Variants in PXDN observed in about 807,000 individuals in gnomAD.
The protein encoded by PXDN is peroxidasin, also known as peroxidasin homolog.
Under a neutral mutation model 140.3 loss-of-function variants are expected in PXDN, and 77 were observed. That is an observed-to-expected ratio of 0.55 (90% CI 0.46 to 0.66). PXDN has a LOEUF of 0.66. PXDN is among the 30% of genes least tolerant of loss of function. The pLI is 0.00. For synonymous variants in PXDN, 911 were observed against 857.4 expected, an observed-to-expected ratio of 1.06 and a Z score of -1.09; for missense variants, 1,838 against 2,039.5, an observed-to-expected ratio of 0.90 and a Z score of 1.90.
At chr2:1,679,276 T>C (rs924125175) in intron 7 of PXDN, among the ~76,000 whole-genome samples, 7 of 148,282 alleles carry the variant, frequency 4.7e-5, no homozygotes, top group African/African-American at 1.8e-4. Context: ...GTGTGGATTG[T>C]ATGTGCATGT....
In PXDN at chr2:1,686,837, C is replaced by T. The variant is rs1684070594; in HGVS notation, c.416+795G>A. Among the ~76,000 whole-genome samples the T allele has an allele frequency of 2.0e-5, 3 of 152,210 alleles. No homozygotes were observed. The South Asian group carries it at 6.2e-4, about 32-fold the overall frequency. ...GACAACATCGCTGTGTCCAGTGAGC[C>T]AGTGACCCGTGACCACGGATCAGCA... On this transcript the variant is annotated intron_variant, in intron 4 of 22. Coordinates refer to ENST00000252804, the MANE Select transcript of PXDN (RefSeq NM_012293.3).
chr2:1,690,648 C>CAAAAAAAAAAAAAAAAAA (rs35970382), intron 3 of PXDN, among the ~76,000 whole-genome samples: 4 of 68,648 alleles, frequency 5.8e-5, no homozygotes, highest in Admixed American at 3.9e-4. Context: ...TTCAAAATAC[C>CAAAAAAAAAAAAAAAAAA]AAAAAAAAAA....
intron 1 of PXDN, among the ~76,000 whole-genome samples, chr2:1,699,391 T>A (rs1684369001): frequency 6.6e-6 from 1 of 152,226 alleles, no homozygotes; most frequent in Non-Finnish European, 1.5e-5. Flanking sequence ...TCAGATGTGT[T>A]TGAATTCATT....
Position 1,660,825 on chromosome 2 carries a change from C to T in PXDN, c.1837+56G>A. On this transcript the variant is annotated intron_variant, in intron 14 of 22. Coordinates refer to ENST00000252804, the MANE Select transcript of PXDN (RefSeq NM_012293.3). This position sits in a 1 kb window ranked among gnomAD's most constrained non-coding sequence, Gnocchi z 4.6. The stretch of plus-strand genomic sequence containing the variant: ...ACTGGCCTGGGACCACACTAGGGAC[C>T]TGCGGGCTTTCTTTGTGGATACCAT... The T allele has an allele frequency of 1.9e-6, 3 of 1,565,992 alleles. No individual in the cohort carries two copies. In the South Asian group the frequency reaches 3.6e-5, roughly 19 times the overall value.
Position 1,744,374 on chromosome 2 carries a change from C to T in PXDN, c.82G>A (p.Val28Met), listed in dbSNP as rs898385296. 7.9e-6 allele frequency: 12 copies of T among 1,526,694 alleles called. No individual in the cohort carries two copies. The highest frequency in any genetic ancestry group is 1.0e-5 in the Non-Finnish European group (12 of 1,143,400). The allele number at this position is 1,526,694 out of a possible 1,614,324, so 94.6% of individuals were successfully genotyped here. A position where few individuals can be genotyped will look rare whatever the true frequency, so the allele number is the denominator to read the frequency against. The change falls in exon 1 of 23, where the codon GTG becomes ATG. Residue 28 changes from valine (V) to methionine (M), a missense_variant. Around this residue, in one of 5 missense-constraint regions of PXDN, gnomAD observed 231 missense variants for 201.5 expected, o/e 1.15. Coordinates refer to ENST00000252804, the MANE Select transcript of PXDN (RefSeq NM_012293.3). ...LFCAWGTLAV[V>M]AQKPGAGCPS... is the part of the protein sequence containing the mutation. ...CACCCTGCGCCCGGCTTCTGGGCCA[C>T]CACGGCCAGCGTCCCCCAGGCGCAG...
rs776352329 is a variant in PXDN at position 1,652,785 on chromosome 2, C to G, written c.2104+843G>C. Reference sequence around the variant, plus strand: ...TATCACCCTACAGGTCTCAATTCCACGTCTCTTTCATTTAACCATTGAAGA... The same window carrying G: ...TATCACCCTACAGGTCTCAATTCCAGGTCTCTTTCATTTAACCATTGAAGA... On this transcript the variant is annotated intron_variant, in intron 16 of 22. Transcript: ENST00000252804. 2.0e-5 allele frequency among the ~76,000 whole-genome samples: 3 copies of G among 152,314 alleles called. No homozygotes were observed. The South Asian group carries it at 6.2e-4, about 32-fold the overall frequency.
chr2:1,734,719 T>G (rs1053324073), intron 1 of PXDN, among the ~76,000 whole-genome samples: 2 of 152,054 alleles, frequency 1.3e-5, no homozygotes, highest in Non-Finnish European at 2.9e-5. Context: ...ATACAAAAAT[T>G]AGCTGGGCAT....
intron 8 of PXDN, among the ~76,000 whole-genome samples, chr2:1,675,494 T>C (rs912727457): frequency 1.3e-5 from 2 of 152,186 alleles, no homozygotes; most frequent in African/African-American, 4.8e-5. Context: ...TTGGGAGCCA[T>C]CCAAGACAAA....
In PXDN at chr2:1,639,387, A is replaced by G; in HGVS notation, c.3988T>C (p.Tyr1330His). ...RTRGQFNAFS[Y>H]HFRGRRSLEF... ...AGAGACCGTCTGCCTCGGAAATGAT[A>G]GGAAAAGGCATTGAACTGCCCCCTG... The change falls in exon 20 of 23, where the codon TAT becomes CAT. Residue 1330 changes from tyrosine to histidine, a missense_variant. By Grantham distance (83) the Tyr-to-His change is moderately conservative. Transcript: ENST00000252804. This position sits in a 1 kb window ranked among gnomAD's most constrained non-coding sequence, Gnocchi z 5.0. The G allele has an allele frequency of 6.2e-7, 1 of 1,614,032 alleles. No homozygotes were observed. Among genetic ancestry groups the G allele is most frequent in the Non-Finnish European group, 8.5e-7 (1 of 1,179,874 alleles).
chr2:1,666,239 A>T lies in PXDN; in HGVS notation c.1266T>A (p.His422Gln). The change falls in exon 10 of 23, where the codon CAT (histidine) becomes CAA (glutamine). Residue 422 changes from histidine (H) to glutamine (Q), a missense_variant. Physicochemically the swap from His to Gln is conservative, Grantham distance 24. This residue lies in a region of PXDN where 537 missense variants were observed against 583.9 expected (regional missense o/e 0.92). Transcript: ENST00000252804. ...CCTGGACGATGATGAAAGCGGTGGC[A>T]TGGACGCTGTCAATGTTGTTGGTCG... ...CSATNNIDSV[H>Q]ATAFIIVQAL... 6.2e-7 allele frequency: 1 copy of T among 1,614,032 alleles called. No homozygotes were observed.
intron 14 of PXDN, among the ~76,000 whole-genome samples, chr2:1,655,355 T>C (rs113058563): frequency 2.4e-4 from 35 of 148,746 alleles, no homozygotes; most frequent in Admixed American, 8.7e-4. Context: ...ACCACACATA[T>C]AGTACATTAT....
At chr2:1,720,649 T>TTCTCTCTCTCTGCATCTCTC in intron 1 of PXDN, among the ~76,000 whole-genome samples, 1 of 150,006 alleles carries the variant, frequency 6.7e-6, no homozygotes, top group Non-Finnish European at 1.5e-5. Context: ...CTGCATCTCT[T>TTCTCTCTCTCTGCATCTCTC]TCTCTCTCTC....
At chr2:1,729,620 G>A (rs1306270565) in intron 1 of PXDN, among the ~76,000 whole-genome samples, 8 of 152,082 alleles carry the variant, frequency 5.3e-5, no homozygotes, top group South Asian at 4.1e-4. Flanking sequence ...TACACCACTC[G>A]GGTGATGGGT....
rs1407889563 is a variant in PXDN at position 1,691,364 on chromosome 2, G to C, written c.344+564C>G. ...ACTGCAAAACTGATCTCAACGAGCA[G>C]AAGATATGTTAAATGAAAATAAATC... On this transcript the variant is annotated intron_variant, in intron 3 of 22. Transcript: ENST00000252804. Among the ~76,000 whole-genome samples the C allele has an allele frequency of 2.6e-5, 4 of 152,172 alleles. No individual in the cohort carries two copies. The South Asian group carries it at 8.3e-4, about 32-fold the overall frequency.
Position 1,648,697 on chromosome 2 carries a change from T to A in PXDN, c.3083A>T (p.His1028Leu). ...CGGGAGCCAGTGCTGGTAGGTGATG[T>A]GCTGGATCTCCGCACCCACGATCTT... ...TRKIVGAEIQ[H>L]ITYQHWLPKI... Residue 1028 changes from histidine (H) to leucine (L), a missense_variant, in exon 17 of 23, where the codon CAC (histidine) becomes CTC (leucine). Physicochemically the swap from His to Leu is moderately conservative, Grantham distance 99. This residue lies in a region of PXDN where 850 missense variants were observed against 894.1 expected (regional missense o/e 0.95). Transcript: ENST00000252804. This position sits in a 1 kb window ranked among gnomAD's most constrained non-coding sequence, Gnocchi z 8.9. 1 of 1,607,026 alleles carries A rather than the reference T, an allele frequency of 6.2e-7. No homozygotes were observed. Among genetic ancestry groups the A allele is most frequent in the Non-Finnish European group, 8.5e-7 (1 of 1,177,182 alleles).
rs565633937 is a variant in PXDN at position 1,714,935 on chromosome 2, T to C, written c.201-21801A>G. ...CAGATTAACCTATGTCTAGCATTTA[T>C]CTTTTGGGAGCATCAGGTTTTAGGC... On this transcript the variant is annotated intron_variant, in intron 1 of 22. Coordinates refer to ENST00000252804, the MANE Select transcript of PXDN (RefSeq NM_012293.3). This position sits in a 1 kb window ranked among gnomAD's most constrained non-coding sequence, Gnocchi z 4.3. 6.6e-6 allele frequency among the ~76,000 whole-genome samples: 1 copy of C among 152,252 alleles called. No homozygotes were observed. Among genetic ancestry groups the C allele is most frequent in the Admixed American group, 6.5e-5 (1 of 15,290 alleles).
rs773182794 is a variant in PXDN, at chr2:1,687,568, C to T, written c.416+64G>A. The T allele has an allele frequency of 2.3e-6, 3 of 1,290,558 alleles. No homozygotes were observed. The highest frequency in any genetic ancestry group is 3.2e-6 in the Non-Finnish European group (3 of 930,686). The allele number at this position is 1,290,558 out of a possible 1,614,324, so 79.9% of individuals were successfully genotyped here. A position where few individuals can be genotyped will look rare whatever the true frequency, so the allele number is the denominator to read the frequency against. ...AAACAGCTAGCTCACTCCACTGGTC[C>T]CTACAAGAGGAAAACAGCCAGACGG... On this transcript the variant is annotated intron_variant, in intron 4 of 22. Coordinates refer to ENST00000252804, the MANE Select transcript of PXDN (RefSeq NM_012293.3). The surrounding 1 kb of genome is among the most constrained non-coding windows in gnomAD (Gnocchi z 4.0).
chr2:1,693,050 T>A lies in PXDN; in HGVS notation c.272+13A>T. 6.6e-7 allele frequency: 1 copy of A among 1,526,472 alleles called. No individual in the cohort carries two copies. Among genetic ancestry groups the A allele is most frequent in the Non-Finnish European group, 8.9e-7 (1 of 1,122,708 alleles). 94.6% of individuals were successfully genotyped at this position (1,526,472 alleles called of 1,614,324 possible). On this transcript the variant is annotated intron_variant, in intron 2 of 22. Transcript: ENST00000252804. The stretch of plus-strand genomic sequence containing the variant: ...ATTTTTCTATTAGTTTCCAATAGAA[T>A]ATTTCCACTCACAATGTGTTCAAGT...
At chr2:1,654,378 C>A (rs370410394) in intron 15 of PXDN, 22 bp downstream of exon 15, 3 of 1,550,446 alleles carry the variant, frequency 1.9e-6, no homozygotes, top group South Asian at 2.2e-5. Flanking sequence ...TGAGGGTCAG[C>A]GTGTTTACAG....
Sources: allele counts gnomAD v4.1 joint callset (sites outside exome capture counted in the v4.1 genomes callset), GRCh38; gene constraint gnomAD v4.1.1; regional missense constraint gnomAD v4.1.1; non-coding constraint Gnocchi (gnomAD v3.1); transcripts MANE v1.5; gene names NCBI Gene and HGNC (gene_info 2026-07-23, HGNC 2026-07-21).